Variants in TMEM200A observed in about 807,000 individuals in gnomAD.
The protein encoded by TMEM200A is transmembrane protein 200A, also known as two transmembrane C.
In TMEM200A, 12 loss-of-function variants were observed where a neutral mutation model predicts 24.3. The ratio of observed to expected loss-of-function variants is 0.49; its 90% confidence interval spans 0.32 to 0.80. The LOEUF is 0.80. TMEM200A is among the 30% of genes least tolerant of loss of function. The pLI, the probability that TMEM200A is intolerant of heterozygous loss-of-function variation, is 0.04. For synonymous variants in TMEM200A, 224 were observed against 224.4 expected (o/e 1.00, Z 0.02); for missense variants, 545 against 614.4 (o/e 0.89, Z 1.19).
chr6:130,412,682 C>T (rs1273897237), intron 2 of TMEM200A, among the ~76,000 whole-genome samples: 1 of 152,196 alleles, frequency 6.6e-6, no homozygotes, highest in East Asian at 1.9e-4. Flanking sequence ...CAGGAATCCT[C>T]TGCTGTGCTG....
intron 2 of TMEM200A, among the ~76,000 whole-genome samples, chr6:130,389,361 T>A (rs1463382356): frequency 1.3e-5 from 2 of 151,448 alleles, no homozygotes; most frequent in African/African-American, 4.8e-5. Context: ...AAGTGTAGAT[T>A]TTGAAACGGG....
At chr6:130,439,663 C>G (rs1343300916) in intron 2 of TMEM200A, among the ~76,000 whole-genome samples, 1 of 152,086 alleles carries the variant, frequency 6.6e-6, no homozygotes, top group Non-Finnish European at 1.5e-5. Flanking sequence ...AGAAGATGAC[C>G]AAGAACAAGA....
intron 2 of TMEM200A, among the ~76,000 whole-genome samples, chr6:130,412,398 G>A (rs1779353556): frequency 6.6e-6 from 1 of 152,002 alleles, no homozygotes; most frequent in Admixed American, 6.6e-5. Flanking sequence ...GCTGTGCTCT[G>A]CATTGCCACT....
intron 2 of TMEM200A, among the ~76,000 whole-genome samples, chr6:130,411,403 G>A (rs909339656): frequency 1.3e-5 from 2 of 152,104 alleles, no homozygotes; most frequent in African/African-American, 4.8e-5. Flanking sequence ...AGGTACCTTA[G>A]TGTGCATTTC....
chr6:130,392,072 G>A (rs933847847), intron 2 of TMEM200A, among the ~76,000 whole-genome samples: 1 of 152,044 alleles, frequency 6.6e-6, no homozygotes, highest in Admixed American at 6.6e-5. Flanking sequence ...AATGGTGTAG[G>A]GGTTCTGGAG....
intron 2 of TMEM200A, among the ~76,000 whole-genome samples, chr6:130,391,615 C>G (rs553239064): frequency 2.0e-4 from 31 of 151,960 alleles, no homozygotes; most frequent in African/African-American, 7.2e-4. Context: ...CCTGTTAGCT[C>G]ATAGTATTAC....
chr6:130,400,078 G>A (rs571110067), intron 2 of TMEM200A, among the ~76,000 whole-genome samples: 43 of 151,304 alleles, frequency 2.8e-4, no homozygotes, highest in South Asian at 2.3e-3. Flanking sequence ...ACATATATAT[G>A]TATATGTACA....
In TMEM200A at chr6:130,440,968, C is replaced by T. The variant is rs139970487; in HGVS notation, c.546C>T (p.Asn182=). ...TLRIKEQRQM[N]GMYTGLMGET... is the part of the protein sequence containing the mutation. ...GAATCAAGGAGCAAAGGCAAATGAA[C>T]GGCATGTACACTGGTTTGATGGGAG... Residue 182 remains asparagine (N), a synonymous_variant, in exon 3 of 3, where the codon AAC becomes AAT. Coordinates refer to ENST00000296978, the MANE Select transcript of TMEM200A (RefSeq NM_001258277.2). 821 of 1,613,988 alleles carry T rather than the reference C, an allele frequency of 5.1e-4. 10 individuals carry two copies. In the Middle Eastern group the frequency reaches 0.031, roughly 60 times the overall value.
chr6:130,422,163 T>A (rs1779609506), intron 2 of TMEM200A, among the ~76,000 whole-genome samples: 1 of 152,192 alleles, frequency 6.6e-6, no homozygotes, highest in Admixed American at 6.5e-5. Flanking sequence ...CTAATGTACA[T>A]CCCTACAGTG....
intron 2 of TMEM200A, among the ~76,000 whole-genome samples, chr6:130,409,045 G>C (rs185840379): frequency 2.6e-5 from 4 of 152,292 alleles, no homozygotes; most frequent in African/African-American, 4.8e-5. Context: ...GGCAGTCCTT[G>C]TTTGATACTT....
At chr6:130,383,586 T>C (rs1778650093) in intron 1 of TMEM200A, among the ~76,000 whole-genome samples, 1 of 152,232 alleles carries the variant, frequency 6.6e-6, no homozygotes, top group Non-Finnish European at 1.5e-5. Context: ...GCTGTTGTGA[T>C]TTAAAACGCT....
At chr6:130,408,288 G>T (rs1288809610) in intron 2 of TMEM200A, among the ~76,000 whole-genome samples, 4 of 152,162 alleles carry the variant, frequency 2.6e-5, no homozygotes, top group Non-Finnish European at 5.9e-5. Context: ...GCCCAGGTAG[G>T]CACTTTCCCA....
intron 2 of TMEM200A, among the ~76,000 whole-genome samples, chr6:130,425,560 G>A (rs890349496): frequency 2.0e-5 from 3 of 152,284 alleles, no homozygotes; most frequent in East Asian, 1.9e-4. Context: ...GCCTGAGAAA[G>A]CTGAGCAATT....
intron 2 of TMEM200A, among the ~76,000 whole-genome samples, chr6:130,417,632 A>C (rs117113459): frequency 3.9e-5 from 6 of 152,328 alleles, no homozygotes; most frequent in Non-Finnish European, 8.8e-5. Flanking sequence ...TTTAAAGGCT[A>C]TCCAGTATCA....
intron 2 of TMEM200A, among the ~76,000 whole-genome samples, chr6:130,389,421 C>A (rs1320368036): frequency 1.3e-5 from 2 of 151,556 alleles, no homozygotes; most frequent in African/African-American, 2.4e-5. Context: ...AACTCTATAT[C>A]CTACGTAAAG....
chr6:130,371,584 A>G (rs1482452183), intron 1 of TMEM200A, among the ~76,000 whole-genome samples: 1 of 152,214 alleles, frequency 6.6e-6, no homozygotes. Context: ...GGCACAGAAC[A>G]GAGGTTATTA....
chr6:130,378,645 C>T (rs1166192385), intron 1 of TMEM200A, among the ~76,000 whole-genome samples: 6 of 151,584 alleles, frequency 4.0e-5, no homozygotes, highest in Non-Finnish European at 5.9e-5. Flanking sequence ...ATCACTTGAA[C>T]CCGAGAGGTG....
chr6:130,429,797 C>A lies in TMEM200A; in HGVS notation c.-16-10610C>A, dbSNP rs144129863. ...GAAATTTTCTGTATGCTAAAAGATA[C>A]AATCAAATAAAGTAAAAATGTAAAT... is the stretch of plus-strand genomic sequence containing the variant. On this transcript the variant is annotated intron_variant, in intron 2 of 2. Coordinates refer to ENST00000296978, the MANE Select transcript of TMEM200A (RefSeq NM_001258277.2). 7.7e-3 allele frequency among the ~76,000 whole-genome samples: 1,169 copies of A among 152,178 alleles called. 12 individuals carry two copies. The highest frequency in any genetic ancestry group is 0.017 in the Middle Eastern group (5 of 294).
At chr6:130,422,386 A>G (rs1779617314) in intron 2 of TMEM200A, among the ~76,000 whole-genome samples, 1 of 152,164 alleles carries the variant, frequency 6.6e-6, no homozygotes, top group East Asian at 1.9e-4. Flanking sequence ...CTACTGCATC[A>G]GCCTCCTAAG....
Sources: allele counts gnomAD v4.1 joint callset (sites outside exome capture counted in the v4.1 genomes callset), GRCh38; gene constraint gnomAD v4.1.1; transcripts MANE v1.5; gene names NCBI Gene and HGNC (gene_info 2026-07-23, HGNC 2026-07-21).